Variants in LARP1B observed in about 807,000 individuals in gnomAD.
The protein encoded by LARP1B is la-related protein 1B.
In LARP1B, 76 loss-of-function variants were observed where a neutral mutation model predicts 114.2. The ratio of observed to expected loss-of-function variants is 0.67; its 90% confidence interval spans 0.55 to 0.81. The LOEUF (loss-of-function observed/expected upper bound fraction) is 0.81. Ranked by LOEUF, LARP1B falls within the 30% of genes least tolerant of loss-of-function variation. The pLI is 0.00. For synonymous variants in LARP1B, 345 were observed against 348.0 expected (o/e 0.99, Z 0.10); for missense variants, 1,014 against 1,075.8 (o/e 0.94, Z 0.80).
chr4:128,070,194 C>T (rs1764676895), intron 1 of LARP1B, among the ~76,000 whole-genome samples: 1 of 152,030 alleles, frequency 6.6e-6, no homozygotes, highest in Non-Finnish European at 1.5e-5. Flanking sequence ...GTGGCAGGCA[C>T]CTGTAGTCCC....
intron 12 of LARP1B, among the ~76,000 whole-genome samples, chr4:128,164,179 T>C (rs1739724292): frequency 6.6e-6 from 1 of 151,992 alleles, no homozygotes; most frequent in Admixed American, 6.6e-5. Flanking sequence ...ATATAATAGT[T>C]CCAGAATAAC....
chr4:128,219,698 T>C (rs1334203906), intron 6 of LARP1B, among the ~76,000 whole-genome samples: 1 of 140,240 alleles, frequency 7.1e-6, no homozygotes, highest in Non-Finnish European at 1.5e-5. Flanking sequence ...TAATGCTAGA[T>C]GACGCGTTAG....
intron 10 of LARP1B, among the ~76,000 whole-genome samples, chr4:128,120,464 T>C (rs1265786904): frequency 6.6e-6 from 1 of 151,696 alleles, no homozygotes; most frequent in African/African-American, 2.4e-5. Flanking sequence ...TTTTTTTTTT[T>C]TTGAGATGGG....
At position 128,178,035 on chromosome 4, in the gene LARP1B, GATATATATAT is replaced by G. The variant is rs35878913; in HGVS notation, c.1685-380_1685-371del. Among the ~76,000 whole-genome samples the G allele has an allele frequency of 2.4e-4, 33 of 137,848 alleles. 1 individual carries two copies. The highest frequency in any genetic ancestry group is 2.0e-3 in the Admixed American group (26 of 13,184). The allele number at this position is 137,848 out of a possible 152,430, so 90.4% of individuals were successfully genotyped here. A position where few individuals can be genotyped will look rare whatever the true frequency, so the allele number is the denominator to read the frequency against. ...AAAACATGAAAAAAGTTTACAAAGT[GATATATATAT>G]ATATATATATATATAGCATTATGTT... On this transcript the variant is annotated intron_variant, in intron 13 of 19. Transcript: ENST00000326639.
chr4:128,135,922 GTTT>G (rs903155265), intron 11 of LARP1B, among the ~76,000 whole-genome samples: 2 of 151,832 alleles, frequency 1.3e-5, no homozygotes, highest in African/African-American at 4.8e-5. Flanking sequence ...TTTGTGATGT[GTTT>G]TTTAACATTA....
At chr4:128,160,941 C>A (rs1476225829) in intron 11 of LARP1B, among the ~76,000 whole-genome samples, 1 of 152,178 alleles carries the variant, frequency 6.6e-6, no homozygotes, top group Admixed American at 6.5e-5. Context: ...CAAGCTACAA[C>A]TATTTTGTAA....
chr4:128,132,745 T>C (rs996864800), intron 11 of LARP1B, among the ~76,000 whole-genome samples: 1 of 151,990 alleles, frequency 6.6e-6, no homozygotes, highest in African/African-American at 2.4e-5. Flanking sequence ...GAAGACAGTT[T>C]TTCTGTGGAC....
At chr4:128,154,835 G>T (rs1315227482) in intron 11 of LARP1B, among the ~76,000 whole-genome samples, 1 of 152,144 alleles carries the variant, frequency 6.6e-6, no homozygotes, top group Non-Finnish European at 1.5e-5. Flanking sequence ...GTGCAATGGT[G>T]TGATCTCGGC....
intron 1 of LARP1B, among the ~76,000 whole-genome samples, chr4:128,065,315 T>TTCTTTCTTTCTTTCTC (rs1300396452): frequency 5.0e-5 from 4 of 80,670 alleles, no homozygotes; most frequent in East Asian, 3.5e-4. Context: ...CTTTCTTTCT[T>TTCTTTCTTTCTTTCTC]TCTCTCTCTC....
At chr4:128,125,545 A>C (rs1789287195) in intron 11 of LARP1B, among the ~76,000 whole-genome samples, 1 of 152,200 alleles carries the variant, frequency 6.6e-6, no homozygotes, top group Non-Finnish European at 1.5e-5. Flanking sequence ...CAAGAGATTG[A>C]GACCATCTGG....
intron 11 of LARP1B, among the ~76,000 whole-genome samples, chr4:128,133,017 C>T (rs1159841948): frequency 7.9e-5 from 12 of 152,024 alleles, no homozygotes; most frequent in Admixed American, 7.9e-4. Flanking sequence ...AGGGTTCATG[C>T]TCCTATGAGA....
At chr4:128,091,588 A>C (rs1775922272) in intron 7 of LARP1B, 76 bp downstream of exon 7, 2 of 1,196,840 alleles carry the variant, frequency 1.7e-6, no homozygotes, top group African/African-American at 3.1e-5. Flanking sequence ...ATTGATAATG[A>C]ATATGCTATA....
rs931587986 is a variant in LARP1B, at chr4:128,185,907, T to G, written c.2003+6395T>G. ...ACTTTTGCATTATGGTTATCTAGTT[T>G]TCTTAGCCCCACTTATCGAAGTGAC... On this transcript the variant is annotated intron_variant, in intron 15 of 19. Coordinates refer to ENST00000326639, the MANE Select transcript of LARP1B (RefSeq NM_018078.4). 2.0e-5 allele frequency among the ~76,000 whole-genome samples: 3 copies of G among 152,172 alleles called. No homozygotes were observed. The East Asian group carries it at 5.8e-4, about 29-fold the overall frequency.
At chr4:128,155,574 C>T in intron 11 of LARP1B, 1 of 834,246 alleles carries the variant, frequency 1.2e-6, no homozygotes, top group Admixed American at 1.7e-5. Flanking sequence ...TGGGGCCCAG[C>T]AGTTGCCCCA....
At chr4:128,121,779 A>G in intron 10 of LARP1B, 47 bp from the exon 11 acceptor site, 1 of 1,323,364 alleles carries the variant, frequency 7.6e-7, no homozygotes. Context: ...ATTTAATTTA[A>G]AAATGATAGA....
intron 1 of LARP1B, among the ~76,000 whole-genome samples, chr4:128,064,756 A>G (rs1030832655): frequency 6.6e-6 from 1 of 152,068 alleles, no homozygotes; most frequent in African/African-American, 2.4e-5. Flanking sequence ...TCGAAGCCAT[A>G]CATGGTAGTG....
At position 128,179,486 on chromosome 4, in the gene LARP1B, C is replaced by T; in HGVS notation, c.1977C>T (p.Asp659=). 6.2e-7 allele frequency: 1 copy of T among 1,607,210 alleles called. No homozygotes were observed. Among genetic ancestry groups the T allele is most frequent in the Non-Finnish European group, 8.5e-7 (1 of 1,175,966 alleles). The change falls in exon 15 of 20, where the codon GAC becomes GAT. Residue 659 remains aspartate, a synonymous_variant. Transcript: ENST00000326639. ...TTGGTTGGGTAATGGATTCCAGAGA[C>T]CGTGGGCCAGGAACATCCTCTGTCA... ...CHVGWVMDSR[D]RGPGTSSVST...
At chr4:128,209,710 G>A (rs1375068052) in intron 19 of LARP1B, 146 bp from the exon 20 acceptor site, 8 of 593,746 alleles carry the variant, frequency 1.3e-5, no homozygotes, top group South Asian at 4.2e-5. Context: ...GTGACAGAAT[G>A]AGACTCCATC....
intron 12 of LARP1B, 92 bp from the exon 13 acceptor site, chr4:128,176,780 G>A (rs944060098): frequency 8.3e-7 from 1 of 1,209,958 alleles, no homozygotes; most frequent in Non-Finnish European, 1.2e-6. Flanking sequence ...GGGATGATAT[G>A]TAAGAAAATA....
Sources: allele counts gnomAD v4.1 joint callset (sites outside exome capture counted in the v4.1 genomes callset), GRCh38; gene constraint gnomAD v4.1.1; transcripts MANE v1.5; gene names NCBI Gene and HGNC (gene_info 2026-07-23, HGNC 2026-07-21).